Variants in SPATA13 observed in about 807,000 individuals in gnomAD.
The protein encoded by SPATA13 is spermatogenesis associated 13.
Under a neutral mutation model 104.0 loss-of-function variants are expected in SPATA13, and 50 were observed. That is an observed-to-expected ratio of 0.48 (90% CI 0.38 to 0.61). The LOEUF is 0.61. SPATA13 is among the 20% of genes least tolerant of loss of function. The pLI, the probability that SPATA13 is intolerant of heterozygous loss-of-function variation, is 0.00. For synonymous variants in SPATA13, 606 were observed against 667.5 expected, an observed-to-expected ratio of 0.91 and a Z score of 1.42; for missense variants, 1,524 against 1,690.6, an observed-to-expected ratio of 0.90 and a Z score of 1.73.
intron 1 of SPATA13, among the ~76,000 whole-genome samples, chr13:24,208,117 G>A (rs1185586355): frequency 1.3e-5 from 2 of 152,180 alleles, no homozygotes; most frequent in Non-Finnish European, 2.9e-5. Flanking sequence ...ACAAATCTGA[G>A]GCTGAAATTC....
At chr13:24,060,954 A>G (rs982234075) in intron 3 of SPATA13, among the ~76,000 whole-genome samples, 1 of 152,152 alleles carries the variant, frequency 6.6e-6, no homozygotes, top group Admixed American at 6.5e-5. Context: ...CCGGAGAATC[A>G]CTTGAACCTT....
At position 24,135,469 on chromosome 13, in the gene SPATA13, G is replaced by A. The variant is rs533914782; in HGVS notation, c.-111-87350G>A. Among the ~76,000 whole-genome samples the A allele has an allele frequency of 6.4e-3, 976 of 152,112 alleles. 3 individuals carry two copies. The highest frequency in any genetic ancestry group is 0.027 in the Middle Eastern group (8 of 294). ...TCCCAGCATTTTGGGAGACTGAGGC[G>A]GGCAGATCACGAGGTCAGGAGATCA... On this transcript the variant is annotated intron_variant, in intron 3 of 14. Transcript: ENST00000424834.
rs1460536920 is a variant in SPATA13, at chr13:24,052,778, G to A, written c.-112+35077G>A. 1.9e-4 allele frequency among the ~76,000 whole-genome samples: 12 copies of A among 61,972 alleles called. No individual in the cohort carries two copies. In the East Asian group the frequency reaches 7.0e-3, roughly 36 times the overall value. The allele number at this position is 61,972 out of a possible 152,430, so 40.7% of individuals were successfully genotyped here. On this transcript the variant is annotated intron_variant, in intron 3 of 14. Transcript: ENST00000424834. ...GACCCACGACTGCGTTCCTGTGGCGGGAGGCAGCCAGCAGCTCAGGGGCCC... is the reference window on the plus strand; with the variant it reads ...GACCCACGACTGCGTTCCTGTGGCGAGAGGCAGCCAGCAGCTCAGGGGCCC...
At chr13:24,147,465 C>G in intron 3 of SPATA13, among the ~76,000 whole-genome samples, 1 of 152,178 alleles carries the variant, frequency 6.6e-6, no homozygotes, top group Non-Finnish European at 1.5e-5. Flanking sequence ...CCACTCTCTT[C>G]TGTGTGCTCC....
At chr13:24,184,959 C>T (rs143458270) in intron 1 of SPATA13, among the ~76,000 whole-genome samples, 4 of 152,284 alleles carry the variant, frequency 2.6e-5, no homozygotes, top group Admixed American at 6.5e-5. Flanking sequence ...TCCTAGCAGC[C>T]GTATGGGTCA....
At chr13:24,200,957 T>G (rs1297083983) in intron 1 of SPATA13, among the ~76,000 whole-genome samples, 3 of 152,086 alleles carry the variant, frequency 2.0e-5, no homozygotes, top group African/African-American at 7.3e-5. Context: ...TTCTTTTTTT[T>G]CCCCCTCACA....
chr13:24,019,869 C>T (rs1386329367), intron 3 of SPATA13, among the ~76,000 whole-genome samples: 2 of 152,210 alleles, frequency 1.3e-5, no homozygotes, highest in Non-Finnish European at 2.9e-5. Flanking sequence ...TAGATTTCAA[C>T]ATGCCAGTGA....
At chr13:24,270,894 C>G in intron 4 of SPATA13, 1 of 1,612,380 alleles carries the variant, frequency 6.2e-7, no homozygotes, top group Non-Finnish European at 8.5e-7. Context: ...ATTCTGGAGT[C>G]TGGAAAGCCT....
intron 3 of SPATA13, among the ~76,000 whole-genome samples, chr13:24,130,881 G>T (rs533282061): frequency 1.3e-3 from 205 of 152,298 alleles, no homozygotes; most frequent in African/African-American, 4.7e-3. Context: ...GTAAGGAGCC[G>T]GGAATCTCTG....
chr13:24,053,667 C>T (rs935796124), intron 3 of SPATA13, among the ~76,000 whole-genome samples: 1 of 152,072 alleles, frequency 6.6e-6, no homozygotes, highest in African/African-American at 2.4e-5. Context: ...CCTGGGGCTC[C>T]ATCCTGTCGT....
At chr13:24,103,339 G>A (rs1479970183) in intron 3 of SPATA13, among the ~76,000 whole-genome samples, 2 of 151,792 alleles carry the variant, frequency 1.3e-5, no homozygotes, top group Non-Finnish European at 2.9e-5. Flanking sequence ...GTACAGTATA[G>A]GCTGGGTGCG....
intron 2 of SPATA13, among the ~76,000 whole-genome samples, chr13:24,008,512 G>T (rs979429585): frequency 1.1e-4 from 16 of 152,160 alleles, no homozygotes; most frequent in African/African-American, 3.1e-4. Flanking sequence ...GGACGGTCTT[G>T]TTGGTGGTGA....
intron 1 of SPATA13, among the ~76,000 whole-genome samples, chr13:24,176,767 T>A (rs1373794739): frequency 6.6e-6 from 1 of 152,170 alleles, no homozygotes; most frequent in Non-Finnish European, 1.5e-5. Flanking sequence ...TATTAATAGA[T>A]CACAAGTTCA....
intron 3 of SPATA13, among the ~76,000 whole-genome samples, chr13:24,107,393 C>T (rs959909819): frequency 1.3e-5 from 2 of 152,060 alleles, no homozygotes; most frequent in Non-Finnish European, 2.9e-5. Flanking sequence ...ACTATGTTGT[C>T]CCAAGGAGCC....
chr13:24,249,459 C>T lies in SPATA13; in HGVS notation c.1654-18C>T. ...CTTCCTGGATATTGAGCTCACCTGA[C>T]CTGTTCGCATTTGAAAGGTCGTCCC... On this transcript the variant is annotated intron_variant, in intron 2 of 12. Transcript: ENST00000382108. 6.6e-7 allele frequency: 1 copy of T among 1,525,800 alleles called. No homozygotes were observed. Among genetic ancestry groups the T allele is most frequent in the Non-Finnish European group, 8.8e-7 (1 of 1,133,560 alleles). 94.5% of individuals were successfully genotyped at this position (1,525,800 alleles called of 1,614,324 possible). A position where few individuals can be genotyped will look rare whatever the true frequency, so the allele number is the denominator to read the frequency against.
chr13:24,023,254 A>G (rs1382068167), intron 3 of SPATA13, among the ~76,000 whole-genome samples: 1 of 152,210 alleles, frequency 6.6e-6, no homozygotes, highest in Non-Finnish European at 1.5e-5. Flanking sequence ...TGCAAAGGAC[A>G]TGAACTCATC....
intron 3 of SPATA13, among the ~76,000 whole-genome samples, chr13:24,110,245 T>A (rs954222547): frequency 6.6e-6 from 1 of 151,674 alleles, no homozygotes; most frequent in African/African-American, 2.4e-5. Flanking sequence ...CAGAACCAGC[T>A]CAGCTCTGCC....
chr13:24,140,888 A>G (rs1452888132), intron 3 of SPATA13, among the ~76,000 whole-genome samples: 1 of 152,222 alleles, frequency 6.6e-6, no homozygotes, highest in Non-Finnish European at 1.5e-5. Flanking sequence ...TTTAAAAATT[A>G]AGCCTGGCTG....
chr13:24,123,194 G>T, intron 3 of SPATA13: 2 of 1,403,180 alleles, frequency 1.4e-6, no homozygotes, highest in Non-Finnish European at 2.0e-6. Context: ...TGAATGGTGT[G>T]ATATATTCTT....
Sources: allele counts gnomAD v4.1 joint callset (sites outside exome capture counted in the v4.1 genomes callset), GRCh38; gene constraint gnomAD v4.1.1; transcripts MANE v1.5; gene names NCBI Gene and HGNC (gene_info 2026-07-23, HGNC 2026-07-21).